The following MTG2 variants were observed in gnomAD, a reference collection of about 807,000 sequenced individuals.
MTG2 encodes mitochondrial ribosome associated GTPase 2.
Under a neutral mutation model 28.6 loss-of-function variants are expected in MTG2, and 23 were observed. The observed-to-expected ratio is 0.80, with a 90% CI of 0.58 to 1.14. The LOEUF (loss-of-function observed/expected upper bound fraction) is 1.14, where lower values mean the gene tolerates loss of function less well. Among genes scored for constraint, MTG2 ranks in the 50% most tolerant of loss-of-function variants. The probability of loss-of-function intolerance (pLI) is 0.00; values close to 1 mark genes in which losing one functional copy is unlikely to be tolerated. For missense variants in MTG2, 539 were observed against 552.0 expected, an observed-to-expected ratio of 0.98 and a Z score of 0.24; for synonymous variants, 260 against 251.8, an observed-to-expected ratio of 1.03 and a Z score of -0.31.
In MTG2 at chr20:62,193,490, T is replaced by C. The variant is rs370763133; in HGVS notation, c.70T>C (p.Ser24Pro). ...VFQGVGHWAL[S>P]TWAGLKPSRL... ...TCAGGGCGTGGGGCATTGGGCTTTGTCCACATGGGCTGGCCTGAAGCCCAG... is the reference window on the plus strand; with the variant it reads ...TCAGGGCGTGGGGCATTGGGCTTTGCCCACATGGGCTGGCCTGAAGCCCAG... Residue 24 changes from serine (S) to proline (P), a missense_variant, in exon 2 of 7, where the codon TCC (serine) becomes CCC (proline). By Grantham distance (74) the Ser-to-Pro change is moderately conservative (BLOSUM62 -1). Coordinates refer to ENST00000370823, the MANE Select transcript of MTG2 (RefSeq NM_015666.4). 5.6e-6 allele frequency: 9 copies of C among 1,614,146 alleles called. No individual in the cohort carries two copies. The highest frequency in any genetic ancestry group is 4.0e-5 in the African/African-American group (3 of 75,036).
rs569799937 is a variant in MTG2, at chr20:62,198,227, G to C, written c.468+260G>C. On this transcript the variant is annotated intron_variant, in intron 4 of 6. Coordinates refer to ENST00000370823, the MANE Select transcript of MTG2 (RefSeq NM_015666.4). Reference sequence around the variant, plus strand: ...GAAACGATTCTCTTTTAAAAAGAGGGAGCCCACGGCACGGACGCTTCCTCC... The same window carrying C: ...GAAACGATTCTCTTTTAAAAAGAGGCAGCCCACGGCACGGACGCTTCCTCC... The C allele has an allele frequency of 5.6e-6, 3 of 533,054 alleles. No homozygotes were observed. The African/African-American group carries it at 5.7e-5, about 10-fold the overall frequency. 33.0% of individuals were successfully genotyped at this position (533,054 alleles called of 1,614,324 possible).
rs200434737 is a variant in MTG2 at position 62,199,249 on chromosome 20, A to C, written c.818A>C (p.Gln273Pro). ...VGIVHYEGHLQIAVADIPGII... is the reference protein window; with the variant it reads ...VGIVHYEGHLPIAVADIPGII... The stretch of plus-strand genomic sequence containing the variant: ...ATCGTCCACTACGAAGGCCACCTAC[A>C]AATAGCAGGTAGAACTTCCAGAATT... Residue 273 changes from glutamine (Q) to proline (P), a missense_variant, in exon 6 of 7, where the codon CAA becomes CCA. Gln to Pro is a moderately conservative substitution (Grantham distance 76). Transcript: ENST00000370823. 133 of 1,611,170 alleles carry C rather than the reference A, an allele frequency of 8.3e-5. 1 individual carries two copies. The East Asian group carries it at 2.8e-3, about 34-fold the overall frequency.
Position 62,201,034 on chromosome 20 carries a change from C to A in MTG2, c.1178C>A (p.Ala393Glu), listed in dbSNP as rs759425297. 10 of 1,607,772 alleles carry A rather than the reference C, an allele frequency of 6.2e-6. No homozygotes were observed. The highest frequency in any genetic ancestry group is 5.0e-5 in the Admixed American group (3 of 59,740). The change falls in exon 7 of 7, where the codon GCG becomes GAG. Residue 393 changes from alanine to glutamate, a missense_variant. Coordinates refer to ENST00000370823, the MANE Select transcript of MTG2 (RefSeq NM_015666.4). ...CTGAAGGTGCTGTATGACGCCTACGCGGAGGCCGAGCTGGGCCAGGGCCGC... is the reference window on the plus strand; with the variant it reads ...CTGAAGGTGCTGTATGACGCCTACGAGGAGGCCGAGCTGGGCCAGGGCCGC... ...LHLKVLYDAY[A>E]EAELGQGRQP...
rs749122896 is a variant in MTG2 at position 62,200,706 on chromosome 20, C to T, written c.850C>T (p.Arg284Ter). ...IAVADIPGII[R>*]GAHQNRGLGS... ...AGTGGCCGACATCCCCGGCATCATA[C>T]GAGGCGCCCACCAGAACAGGGGTCT... The change falls in exon 7 of 7, where the codon CGA (arginine) becomes TGA (stop). Residue 284 changes from arginine (R) to a stop codon, truncating the protein, a stop_gained. Transcript: ENST00000370823. LOFTEE classifies it low-confidence loss of function (END_TRUNC). 4.3e-6 allele frequency: 7 copies of T among 1,611,150 alleles called. No individual in the cohort carries two copies. Among genetic ancestry groups the T allele is most frequent in the African/African-American group, 1.3e-5 (1 of 74,832 alleles).
In MTG2 at chr20:62,203,559, CTT is replaced by C. The variant is rs916314935; in HGVS notation, c.*2484_*2485del. The C allele has an allele frequency of 3.9e-5, 6 of 152,236 alleles. No individual in the cohort carries two copies. The highest frequency in any genetic ancestry group is 7.3e-5 in the Non-Finnish European group (5 of 68,048). 9.4% of individuals were successfully genotyped at this position (152,236 alleles called of 1,614,324 possible). A position where few individuals can be genotyped will look rare whatever the true frequency, so the allele number is the denominator to read the frequency against. ...GATTCACATACCATAAAATTCACCA[CTT>C]TATATAATTCAGTGGTTTTTTTGTA... On this transcript the variant is annotated 3_prime_UTR_variant, in exon 7 of 7. Coordinates refer to ENST00000370823, the MANE Select transcript of MTG2 (RefSeq NM_015666.4).
At chr20:62,192,266 C>T (rs926238070) in intron 1 of MTG2, among the ~76,000 whole-genome samples, 4 of 152,170 alleles carry the variant, frequency 2.6e-5, no homozygotes, top group African/African-American at 9.7e-5. Context: ...TGATGATTTG[C>T]GGTAGTGGCT....
chr20:62,194,271 C>G (rs2058018500), intron 2 of MTG2, among the ~76,000 whole-genome samples: 1 of 152,208 alleles, frequency 6.6e-6, no homozygotes, highest in African/African-American at 2.4e-5. Flanking sequence ...CCCTTCGTTT[C>G]CTGCTGAATG....
At chr20:62,199,489 C>CA (rs2058123756) in intron 6 of MTG2, among the ~76,000 whole-genome samples, 1 of 151,202 alleles carries the variant, frequency 6.6e-6, no homozygotes, top group South Asian at 2.1e-4. Context: ...ACTAAAAATA[C>CA]AAAAAAATTA....
intron 1 of MTG2, among the ~76,000 whole-genome samples, chr20:62,185,599 T>C (rs940159898): frequency 2.6e-5 from 4 of 152,048 alleles, no homozygotes; most frequent in African/African-American, 9.7e-5. Flanking sequence ...ATCATGCTAT[T>C]GCACTCCAGC....
intron 2 of MTG2, 44 bp downstream of exon 2, chr20:62,193,668 G>C (rs1462564057): frequency 6.5e-7 from 1 of 1,550,234 alleles, no homozygotes; most frequent in Non-Finnish European, 8.7e-7. Flanking sequence ...CTCCTCCTCA[G>C]AAGGCACAGG....
intron 1 of MTG2, among the ~76,000 whole-genome samples, chr20:62,185,309 G>C (rs1217923856): frequency 1.3e-5 from 2 of 152,106 alleles, no homozygotes; most frequent in Non-Finnish European, 2.9e-5. Flanking sequence ...CTACTCGGGA[G>C]GTTGAGGCAG....
chr20:62,183,289 C>A lies in MTG2; in HGVS notation c.-6+232C>A, dbSNP rs182811788. On this transcript the variant is annotated intron_variant, in intron 1 of 6. Transcript: ENST00000370823. ...GGCGGTGGGGAGCGGCGCCTTGCTCCCCGGTCCTGCCCCACTCTCTCCGCA... is the reference window on the plus strand; with the variant it reads ...GGCGGTGGGGAGCGGCGCCTTGCTCACCGGTCCTGCCCCACTCTCTCCGCA... Among the ~76,000 whole-genome samples the A allele has an allele frequency of 1.2e-3, 184 of 152,290 alleles. 3 individuals carry two copies. In the East Asian group the frequency reaches 0.025, roughly 21 times the overall value.
At chr20:62,194,206 C>G (rs938773405) in intron 2 of MTG2, among the ~76,000 whole-genome samples, 3 of 152,150 alleles carry the variant, frequency 2.0e-5, no homozygotes. Flanking sequence ...CCAAAACCTC[C>G]TATTTAAAGC....
chr20:62,184,111 A>C (rs543540281), intron 1 of MTG2, among the ~76,000 whole-genome samples: 535 of 152,238 alleles, frequency 3.5e-3, no homozygotes, highest in East Asian at 8.1e-3. Context: ...GTAATCCCAG[A>C]ACTTTGGGAG....
rs2058167418 is a variant in MTG2 at position 62,201,354 on chromosome 20, G to A, written c.*277G>A. 2.1e-6 allele frequency: 1 copy of A among 474,398 alleles called. No individual in the cohort carries two copies. The highest frequency in any genetic ancestry group is 2.0e-5 in the African/African-American group (1 of 51,014). The allele number at this position is 474,398 out of a possible 1,614,324, so 29.4% of individuals were successfully genotyped here. A position where few individuals can be genotyped will look rare whatever the true frequency, so the allele number is the denominator to read the frequency against. ...ATTAACACCCCTAATAAGGGGTTGG[G>A]GTGCCCATAACGGGGTGGCCCTGCC... On this transcript the variant is annotated 3_prime_UTR_variant, in exon 7 of 7. Transcript: ENST00000370823.
At chr20:62,195,234 C>T (rs572322672) in intron 2 of MTG2, among the ~76,000 whole-genome samples, 7 of 152,258 alleles carry the variant, frequency 4.6e-5, no homozygotes, top group Non-Finnish European at 8.8e-5. Context: ...TTCCCTCCAG[C>T]GAGGGGCTCT....
Position 62,201,708 on chromosome 20 carries a change from T to C in MTG2, c.*631T>C, listed in dbSNP as rs1364250935. The C allele has an allele frequency of 6.6e-6, 1 of 152,342 alleles. No individual in the cohort carries two copies. Among genetic ancestry groups the C allele is most frequent in the African/African-American group, 2.4e-5 (1 of 41,434 alleles). The allele number at this position is 152,342 out of a possible 1,614,324, so 9.4% of individuals were successfully genotyped here. A position where few individuals can be genotyped will look rare whatever the true frequency, so the allele number is the denominator to read the frequency against. On this transcript the variant is annotated 3_prime_UTR_variant, in exon 7 of 7. Transcript: ENST00000370823. ...TCCATCAGCCGTCTGAGAAGAGCAGTGAGGCCAGCTGCTTCCTGTCCTTCA... is the reference window on the plus strand; with the variant it reads ...TCCATCAGCCGTCTGAGAAGAGCAGCGAGGCCAGCTGCTTCCTGTCCTTCA...
intron 4 of MTG2, 87 bp from the exon 5 acceptor site, chr20:62,198,547 T>A: frequency 3.6e-6 from 5 of 1,406,160 alleles, no homozygotes; most frequent in Non-Finnish European, 4.9e-6. Flanking sequence ...TTGTCTTCTT[T>A]CCTTAGCGCT....
At chr20:62,193,302 T>C in intron 1 of MTG2, 114 bp from the exon 2 acceptor site, 1 of 1,055,738 alleles carries the variant, frequency 9.5e-7, no homozygotes, top group Non-Finnish European at 1.4e-6. Context: ...TCAGTTCACT[T>C]GTTTGTTTCA....
Sources: allele counts gnomAD v4.1 joint callset (sites outside exome capture counted in the v4.1 genomes callset), GRCh38; gene constraint gnomAD v4.1.1; transcripts MANE v1.5; gene names NCBI Gene and HGNC (gene_info 2026-07-23, HGNC 2026-07-21).